The following RAB3IP variants were observed in gnomAD, a reference collection of about 807,000 sequenced individuals.
The protein encoded by RAB3IP is RAB3A interacting protein, also known as rab-3A-interacting protein.
A neutral mutation model predicts 59.1 loss-of-function variants in RAB3IP; 36 were observed. The ratio of observed to expected loss-of-function variants is 0.61; its 90% confidence interval spans 0.47 to 0.80. The LOEUF is 0.80. Ranked by LOEUF, RAB3IP falls within the 30% of genes least tolerant of loss-of-function variation. The probability of loss-of-function intolerance (pLI) is 0.00; values close to 1 mark genes in which losing one functional copy is unlikely to be tolerated. For synonymous variants in RAB3IP, 207 were observed against 191.2 expected (o/e 1.08, Z -0.68); for missense variants, 511 against 536.0 (o/e 0.95, Z 0.46).
At chr12:69,807,133 G>A (rs1164105433) in intron 8 of RAB3IP, among the ~76,000 whole-genome samples, 4 of 151,850 alleles carry the variant, frequency 2.6e-5, no homozygotes, top group Non-Finnish European at 1.5e-5. Flanking sequence ...GGGGCGGCCG[G>A]GCAGAGGTGC....
intron 8 of RAB3IP, among the ~76,000 whole-genome samples, chr12:69,802,211 G>C (rs1465271088): frequency 6.6e-6 from 1 of 151,814 alleles, no homozygotes; most frequent in African/African-American, 2.4e-5. Flanking sequence ...ACTTCTCTCT[G>C]AGGGTGACCA....
In RAB3IP at chr12:69,806,685, T is replaced by G. The variant is rs189570931; in HGVS notation, c.1130+4964T>G. Among the ~76,000 whole-genome samples, 172 of 150,690 alleles carry G rather than the reference T, an allele frequency of 1.1e-3. No individual in the cohort carries two copies. The Middle Eastern group carries it at 0.017, about 15-fold the overall frequency. On this transcript the variant is annotated intron_variant, in intron 8 of 10. Coordinates refer to ENST00000247833, the MANE Select transcript of RAB3IP (RefSeq NM_022456.5). Reference sequence around the variant, plus strand: ...GAGAGATGGTCAGCAGATAAACACGTGAACAAAGGTCTCTGGTTTTCCTAG... The same window carrying G: ...GAGAGATGGTCAGCAGATAAACACGGGAACAAAGGTCTCTGGTTTTCCTAG...
intron 6 of RAB3IP, among the ~76,000 whole-genome samples, chr12:69,797,692 G>C (rs956919692): frequency 3.5e-5 from 5 of 141,376 alleles, no homozygotes; most frequent in Admixed American, 1.5e-4. Context: ...CCCCACAACA[G>C]TCCCCAGAGT....
At position 69,809,439 on chromosome 12, in the gene RAB3IP, G is replaced by C. The variant is rs558368094; in HGVS notation, c.1131-3339G>C. On this transcript the variant is annotated intron_variant, in intron 8 of 10. Coordinates refer to ENST00000247833, the MANE Select transcript of RAB3IP (RefSeq NM_022456.5). Reference sequence around the variant, plus strand: ...TTCTCTGTATTTCCTGAATTTGAATGTTGGCCTGCCTTGCTAGATTGGGGA... The same window carrying C: ...TTCTCTGTATTTCCTGAATTTGAATCTTGGCCTGCCTTGCTAGATTGGGGA... Among the ~76,000 whole-genome samples, 21 of 152,304 alleles carry C rather than the reference G, an allele frequency of 1.4e-4. 1 individual carries two copies. The South Asian group carries it at 4.4e-3, about 32-fold the overall frequency.
Position 69,750,457 on chromosome 12 carries a change from A to T in RAB3IP, c.-25-4927A>T, listed in dbSNP as rs1351768821. Reference sequence around the variant, plus strand: ...TCCTAATAACATAATTTGTTTTTACAGTTGGTTTATTCAAAGAAGAATCCA... The same window carrying T: ...TCCTAATAACATAATTTGTTTTTACTGTTGGTTTATTCAAAGAAGAATCCA... On this transcript the variant is annotated intron_variant, in intron 1 of 10. Coordinates refer to ENST00000247833, the MANE Select transcript of RAB3IP (RefSeq NM_022456.5). Among the ~76,000 whole-genome samples, 5 of 152,018 alleles carry T rather than the reference A, an allele frequency of 3.3e-5. No homozygotes were observed. The East Asian group carries it at 9.6e-4, about 29-fold the overall frequency.
At chr12:69,808,384 A>G (rs1879823702) in intron 8 of RAB3IP, among the ~76,000 whole-genome samples, 2 of 152,010 alleles carry the variant, frequency 1.3e-5, no homozygotes, top group Non-Finnish European at 2.9e-5. Flanking sequence ...TGGGGTGGAG[A>G]GTTCTGTAGA....
chr12:69,771,086 A>G (rs1024384210), intron 3 of RAB3IP, among the ~76,000 whole-genome samples: 4 of 152,226 alleles, frequency 2.6e-5, no homozygotes, highest in African/African-American at 9.6e-5. Context: ...TAGATTTCAC[A>G]TATGAGTGAG....
intron 6 of RAB3IP, among the ~76,000 whole-genome samples, chr12:69,799,521 G>C (rs1878043780): frequency 6.6e-6 from 1 of 152,178 alleles, no homozygotes; most frequent in Admixed American, 6.5e-5. Context: ...GATTATTATT[G>C]ATGCCTAAGA....
At chr12:69,768,451 G>T (rs1017388854) in intron 3 of RAB3IP, among the ~76,000 whole-genome samples, 8 of 152,302 alleles carry the variant, frequency 5.3e-5, no homozygotes, top group African/African-American at 1.7e-4. Context: ...AGATCTTCCT[G>T]GGAATGGAGC....
chr12:69,805,469 C>G (rs181462542), intron 8 of RAB3IP, among the ~76,000 whole-genome samples: 165 of 152,230 alleles, frequency 1.1e-3, no homozygotes, highest in African/African-American at 3.6e-3. Flanking sequence ...TCCTCTTTTC[C>G]TAGTTGAATG....
chr12:69,780,121 C>T (rs1874425716), intron 3 of RAB3IP, among the ~76,000 whole-genome samples: 1 of 152,154 alleles, frequency 6.6e-6, no homozygotes, highest in African/African-American at 2.4e-5. Flanking sequence ...CTAATGATGA[C>T]TCAAGGTAGG....
At chr12:69,780,869 A>T (rs1218620549) in intron 3 of RAB3IP, among the ~76,000 whole-genome samples, 1 of 152,080 alleles carries the variant, frequency 6.6e-6, no homozygotes, top group African/African-American at 2.4e-5. Context: ...TTTTAATCAA[A>T]TGCATTTATA....
At chr12:69,752,320 A>T (rs1016371179) in intron 1 of RAB3IP, among the ~76,000 whole-genome samples, 4 of 147,346 alleles carry the variant, frequency 2.7e-5, no homozygotes, top group Admixed American at 2.7e-4. Context: ...TTAAAAAAAA[A>T]TTATATATAT....
chr12:69,756,899 C>T (rs1870325358), intron 3 of RAB3IP, among the ~76,000 whole-genome samples: 1 of 152,140 alleles, frequency 6.6e-6, no homozygotes, highest in Non-Finnish European at 1.5e-5. Context: ...TCTTCTGTGC[C>T]CCACTGCATT....
At chr12:69,751,900 T>C (rs912208514) in intron 1 of RAB3IP, among the ~76,000 whole-genome samples, 5 of 152,230 alleles carry the variant, frequency 3.3e-5, no homozygotes, top group Admixed American at 1.3e-4. Context: ...GAATCAAATC[T>C]GTAAAGCAAG....
chr12:69,779,000 G>C (rs1015296419), intron 3 of RAB3IP: 54 of 97,314 alleles, frequency 5.5e-4, no homozygotes, highest in Middle Eastern at 5.2e-3. Context: ...AATGGCGGGC[G>C]TCCCTCCCCC....
At position 69,821,014 on chromosome 12, in the gene RAB3IP, TAAAAG is replaced by T. The variant is rs1292435387; in HGVS notation, c.*5571_*5575del. ...AAGAGGACTAAACTTGATAAAATAT[TAAAAG>T]AATTGAAACCCTTCCTAAAGGCAGC... On this transcript the variant is annotated 3_prime_UTR_variant, in exon 11 of 11. Transcript: ENST00000247833. 1 of 151,896 alleles carries T rather than the reference TAAAAG, an allele frequency of 6.6e-6. No homozygotes were observed. Among genetic ancestry groups the T allele is most frequent in the Non-Finnish European group, 1.5e-5 (1 of 67,982 alleles). 9.4% of individuals were successfully genotyped at this position (151,896 alleles called of 1,614,324 possible). A position where few individuals can be genotyped will look rare whatever the true frequency, so the allele number is the denominator to read the frequency against.
chr12:69,795,049 C>G (rs572885480), intron 5 of RAB3IP, 92 bp from the exon 6 acceptor site: 217 of 902,786 alleles, frequency 2.4e-4, no homozygotes, highest in Admixed American at 1.7e-3. Context: ...TACTTTTCAT[C>G]TTTGAAAGTG....
At position 69,820,553 on chromosome 12, in the gene RAB3IP, G is replaced by GAAAAAAAA. The variant is rs34028619; in HGVS notation, c.*5121_*5128dup. 1.0e-5 allele frequency: 1 copy of GAAAAAAAA among 99,422 alleles called. No homozygotes were observed. The highest frequency in any genetic ancestry group is 3.5e-5 in the African/African-American group (1 of 28,700). 6.2% of individuals were successfully genotyped at this position (99,422 alleles called of 1,614,324 possible). A position where few individuals can be genotyped will look rare whatever the true frequency, so the allele number is the denominator to read the frequency against. On this transcript the variant is annotated 3_prime_UTR_variant, in exon 11 of 11. Coordinates refer to ENST00000247833, the MANE Select transcript of RAB3IP (RefSeq NM_022456.5). ...TTTGAGTGGCTTCCCATTGCACTTA[G>GAAAAAAAA]AAAAAAAAAAAAAAAAAAAAACTGG...
Sources: gnomAD v4.1 joint callset for allele counts (sites outside exome capture counted in the v4.1 genomes callset) on GRCh38, gnomAD v4.1.1 for gene constraint, MANE v1.5 for transcripts, NCBI Gene and HGNC (gene_info 2026-07-23, HGNC 2026-07-21) for gene names.